NTF3: variants seen among roughly 807,000 people sequenced by gnomAD.
NTF3 encodes neurotrophin 3, also known as neurotrophin-3.
NTF3 carries 8 observed loss-of-function variants against 26.3 expected under a neutral mutation model. The ratio of observed to expected loss-of-function variants is 0.30; its 90% CI spans 0.18 to 0.55. NTF3 has a LOEUF of 0.55. Ranked by LOEUF, NTF3 falls within the 20% of genes least tolerant of loss-of-function variation. NTF3 has a pLI of 0.93. For missense variants in NTF3, 276 were observed against 352.9 expected, an observed-to-expected ratio of 0.78 and a Z score of 1.75; for synonymous variants, 154 against 145.5, an observed-to-expected ratio of 1.06 and a Z score of -0.42.
intron 1 of NTF3, among the ~76,000 whole-genome samples, chr12:5,453,863 T>A (rs1940404572): frequency 6.6e-6 from 1 of 151,958 alleles, no homozygotes; most frequent in Non-Finnish European, 1.5e-5. Context: ...AGAGTTTGAG[T>A]TTCCCAGACA....
At chr12:5,481,924 C>A (rs1463411772) in intron 1 of NTF3, among the ~76,000 whole-genome samples, 1 of 151,618 alleles carries the variant, frequency 6.6e-6, no homozygotes, top group Non-Finnish European at 1.5e-5. Context: ...CGGGCTTACA[C>A]AGACACCACA....
intron 1 of NTF3, among the ~76,000 whole-genome samples, chr12:5,489,686 C>G (rs1187591011): frequency 1.3e-5 from 2 of 152,308 alleles, no homozygotes; most frequent in East Asian, 3.9e-4. Flanking sequence ...TCAGGAGGTG[C>G]TCCTGTGTAG....
At chr12:5,438,742 G>A (rs1940203012) in intron 1 of NTF3, among the ~76,000 whole-genome samples, 1 of 152,168 alleles carries the variant, frequency 6.6e-6, no homozygotes, top group African/African-American at 2.4e-5. Flanking sequence ...TCAGTGACTG[G>A]GCTCTGTCAC....
At position 5,445,288 on chromosome 12, in the gene NTF3, ATGTGTGTGTGTATG is replaced by A. The variant is rs1187065566; in HGVS notation, c.18+12958_18+12971del. 6.5e-3 allele frequency among the ~76,000 whole-genome samples: 662 copies of A among 101,558 alleles called. 6 individuals carry two copies. The highest frequency in any genetic ancestry group is 0.014 in the Middle Eastern group (3 of 212). 66.6% of individuals were successfully genotyped at this position (101,558 alleles called of 152,430 possible). ...CATAGATGATTCCTTGGATTAAATG[ATGTGTGTGTGTATG>A]TGTGTGTGTGTGTGTGTGTGTGTGT... On this transcript the variant is annotated intron_variant, in intron 1 of 1. Coordinates refer to ENST00000423158, the MANE Select transcript of NTF3 (RefSeq NM_001102654.2).
intron 1 of NTF3, among the ~76,000 whole-genome samples, chr12:5,491,057 T>A (rs572605125): frequency 6.6e-6 from 1 of 152,226 alleles, no homozygotes; most frequent in Non-Finnish European, 1.5e-5. Context: ...ATAACTTTCA[T>A]GGTGCACAAG....
At chr12:5,459,546 A>G (rs1940498747) in intron 1 of NTF3, among the ~76,000 whole-genome samples, 1 of 152,112 alleles carries the variant, frequency 6.6e-6, no homozygotes, top group African/African-American at 2.4e-5. Flanking sequence ...TCTTATTTCA[A>G]TTATCTTCAG....
chr12:5,478,587 C>T (rs11063700), intron 1 of NTF3, among the ~76,000 whole-genome samples: 39,831 of 152,024 alleles, frequency 0.26, 5,318 homozygotes, highest in South Asian at 0.34. Flanking sequence ...TTAGCCTTTT[C>T]AAAATCAGCT....
At chr12:5,481,453 GAC>G (rs1491324392) in intron 1 of NTF3, among the ~76,000 whole-genome samples, 1 of 1,520 alleles carries the variant, frequency 6.6e-4, no homozygotes, top group Non-Finnish European at 2.0e-3. Context: ...ATGCAGCACA[GAC>G]ACACACAGAA....
chr12:5,438,473 A>G (rs2121140053), intron 1 of NTF3, among the ~76,000 whole-genome samples: 1 of 152,304 alleles, frequency 6.6e-6, no homozygotes, highest in Non-Finnish European at 1.5e-5. Flanking sequence ...TTGAAACAGA[A>G]CAGATTTTGA....
Position 5,467,385 on chromosome 12 carries a change from G to A in NTF3, c.19-26809G>A, listed in dbSNP as rs192638639. On this transcript the variant is annotated intron_variant, in intron 1 of 1. Transcript: ENST00000423158. ...CCACAGGTCAGTGATGGGAATGATA[G>A]TATTGCATTAAAAGAGAAGTGATTC... is the stretch of plus-strand genomic sequence containing the variant. Among the ~76,000 whole-genome samples the A allele has an allele frequency of 1.2e-4, 19 of 152,198 alleles. No individual in the cohort carries two copies. The East Asian group carries it at 3.7e-3, about 29-fold the overall frequency.
intron 1 of NTF3, among the ~76,000 whole-genome samples, chr12:5,452,941 C>T (rs778728100): frequency 3.7e-4 from 57 of 152,184 alleles, no homozygotes; most frequent in African/African-American, 1.3e-3. Context: ...GGGAAAGAAC[C>T]GTAAGGCAGA....
At chr12:5,441,088 A>T (rs1427165961) in intron 1 of NTF3, among the ~76,000 whole-genome samples, 1 of 152,164 alleles carries the variant, frequency 6.6e-6, no homozygotes, top group Non-Finnish European at 1.5e-5. Flanking sequence ...TCAATAAGCT[A>T]AATCAGAGAG....
intron 1 of NTF3, among the ~76,000 whole-genome samples, chr12:5,491,494 T>C (rs1176219914): frequency 6.6e-6 from 1 of 151,998 alleles, no homozygotes; most frequent in African/African-American, 2.4e-5. Flanking sequence ...ATCGTTGGGA[T>C]CTTGGGGGAG....
At chr12:5,484,681 G>A (rs547982283) in intron 1 of NTF3, among the ~76,000 whole-genome samples, 3 of 152,236 alleles carry the variant, frequency 2.0e-5, no homozygotes, top group South Asian at 2.1e-4. Context: ...GGAAACGTGC[G>A]GGTCCTTTTT....
intron 1 of NTF3, among the ~76,000 whole-genome samples, chr12:5,479,896 G>C (rs573377635): frequency 1.3e-5 from 2 of 152,234 alleles, no homozygotes; most frequent in East Asian, 3.9e-4. Flanking sequence ...TTTCCCACTT[G>C]CTCTTGCCTT....
intron 1 of NTF3, among the ~76,000 whole-genome samples, chr12:5,463,177 C>A (rs979237207): frequency 2.0e-5 from 3 of 152,172 alleles, no homozygotes; most frequent in African/African-American, 7.2e-5. Flanking sequence ...GCAGCAACAC[C>A]AGAGAACATG....
chr12:5,495,250 T>C lies in NTF3; in HGVS notation c.*262T>C. 2.3e-6 allele frequency: 1 copy of C among 441,316 alleles called. No homozygotes were observed. The highest frequency in any genetic ancestry group is 2.0e-5 in the African/African-American group (1 of 50,442). The allele number at this position is 441,316 out of a possible 1,614,324, so 27.3% of individuals were successfully genotyped here. A position where few individuals can be genotyped will look rare whatever the true frequency, so the allele number is the denominator to read the frequency against. ...ATCTGTGTACACCAGTATTTTGCATTCAGTATTGTCAAGGCCATGACTGTT... is the reference window on the plus strand; with the variant it reads ...ATCTGTGTACACCAGTATTTTGCATCCAGTATTGTCAAGGCCATGACTGTT... On this transcript the variant is annotated 3_prime_UTR_variant, in exon 2 of 2. Transcript: ENST00000423158.
intron 1 of NTF3, among the ~76,000 whole-genome samples, chr12:5,465,254 C>T (rs189995236): frequency 7.2e-5 from 11 of 152,220 alleles, no homozygotes; most frequent in Admixed American, 2.6e-4. Context: ...AGGGAGAGCC[C>T]GATTCAAGGC....
intron 1 of NTF3, among the ~76,000 whole-genome samples, chr12:5,465,272 A>G (rs1331655322): frequency 6.6e-6 from 1 of 152,170 alleles, no homozygotes; most frequent in Non-Finnish European, 1.5e-5. Flanking sequence ...GGCAATAGAG[A>G]ACTTTGGCTG....
Sources: gnomAD v4.1 joint callset for allele counts (sites outside exome capture counted in the v4.1 genomes callset) on GRCh38, gnomAD v4.1.1 for gene constraint, MANE v1.5 for transcripts, NCBI Gene and HGNC (gene_info 2026-07-23, HGNC 2026-07-21) for gene names.